USP24: variants seen among roughly 807,000 people sequenced by gnomAD.
USP24 encodes the protein ubiquitin specific peptidase 24, also known as ubiquitin carboxyl-terminal hydrolase 24.
USP24 carries 97 observed loss-of-function variants against 361.6 expected under a neutral mutation model. The ratio of observed to expected loss-of-function variants is 0.27; its 90% CI spans 0.23 to 0.32. The LOEUF is 0.32. Among genes scored for constraint, USP24 ranks in the 10% least tolerant of loss-of-function variants. The pLI, the probability that USP24 is intolerant of heterozygous loss-of-function variation, is 1.00. For missense variants in USP24, 2,353 were observed against 3,165.6 expected, an observed-to-expected ratio of 0.74 and a Z score of 6.16; for synonymous variants, 1,098 against 1,124.6, an observed-to-expected ratio of 0.98 and a Z score of 0.47.
Position 55,134,080 on chromosome 1 carries a change from A to G in USP24, c.3371T>C (p.Leu1124Ser). ...IQEALDQLDS[L>S]GRKKTLLSES... Reference sequence around the variant, plus strand: ...AAAAAATACTCATACCTTTCTTCCTAAAGAATCAAGTTGATCAAGGGCTTC... The same window carrying G: ...AAAAAATACTCATACCTTTCTTCCTGAAGAATCAAGTTGATCAAGGGCTTC... Residue 1124 changes from leucine (L) to serine (S), a missense_variant, in exon 30 of 68, where the codon TTA becomes TCA. Physicochemically the swap from Leu to Ser is moderately radical, Grantham distance 145. Around this residue, in one of 8 missense-constraint regions of USP24, gnomAD observed 949 missense variants for 1,280.5 expected, o/e 0.74. Transcript: ENST00000294383. 6.2e-7 allele frequency: 1 copy of G among 1,613,576 alleles called. No homozygotes were observed. Among genetic ancestry groups the G allele is most frequent in the Non-Finnish European group, 8.5e-7 (1 of 1,179,686 alleles).
chr1:55,147,881 T>C (rs1647074785), intron 17 of USP24, 83 bp from the exon 18 acceptor site: 26 of 1,445,856 alleles, frequency 1.8e-5, no homozygotes, highest in Non-Finnish European at 2.4e-5. Context: ...TATTTAAAGA[T>C]GTAGTCCTAG....
At chr1:55,172,859 C>G (rs1401661268) in intron 3 of USP24, among the ~76,000 whole-genome samples, 1 of 152,140 alleles carries the variant, frequency 6.6e-6, no homozygotes. Context: ...TTACTGTTTT[C>G]TAGCTGTGTG....
intron 28 of USP24, 48 bp from the exon 29 acceptor site, chr1:55,134,461 C>G (rs79034997): frequency 6.7e-7 from 1 of 1,494,880 alleles, no homozygotes; most frequent in Non-Finnish European, 9.2e-7. Flanking sequence ...AAAGAATGTT[C>G]TCCTTTCCTA....
At chr1:55,204,791 C>T (rs534484303) in intron 1 of USP24, among the ~76,000 whole-genome samples, 13 of 152,304 alleles carry the variant, frequency 8.5e-5, no homozygotes, top group African/African-American at 3.1e-4. Flanking sequence ...TAAAAACTTA[C>T]TGAATGGTTA....
intron 67 of USP24, chr1:55,071,143 A>G: frequency 1.0e-6 from 1 of 985,284 alleles, no homozygotes; most frequent in Non-Finnish European, 1.2e-6. Context: ...GACACCTACT[A>G]CATCAGTAAC....
rs745525127 is a variant in USP24, at chr1:55,078,623, C to G, written c.7229G>C (p.Gly2410Ala). Reference protein sequence around the residue: ...EVMFALRELTGSLLALIEMVV... With the variant: ...EVMFALRELTASLLALIEMVV... ...CATCTCAATGAGTGCCAAGAGCGAG[C>G]CTGTCAGCTCCCGCAAAGCAAACAT... The change falls in exon 61 of 68, where the codon GGC becomes GCC. Residue 2410 changes from glycine (G) to alanine (A), a missense_variant. Transcript: ENST00000294383. The G allele has an allele frequency of 1.5e-5, 24 of 1,609,464 alleles. No homozygotes were observed. Among genetic ancestry groups the G allele is most frequent in the Non-Finnish European group, 8.5e-7 (1 of 1,178,846 alleles).
At chr1:55,089,187 C>T (rs891594227) in intron 55 of USP24, among the ~76,000 whole-genome samples, 4 of 152,206 alleles carry the variant, frequency 2.6e-5, no homozygotes, top group East Asian at 1.9e-4. Context: ...ATTACAGGTG[C>T]GAGCCACTGC....
intron 59 of USP24, 138 bp from the exon 60 acceptor site, chr1:55,079,797 T>TACTCTCACAGAGTACTCAGAGC (rs1645109038): frequency 8.7e-7 from 1 of 1,155,260 alleles, no homozygotes; most frequent in African/African-American, 1.6e-5. Context: ...ACACACTGAG[T>TACTCTCACAGAGTACTCAGAGC]ACTCACACAC....
At chr1:55,129,798 T>C (rs1646539633) in intron 31 of USP24, among the ~76,000 whole-genome samples, 2 of 152,204 alleles carry the variant, frequency 1.3e-5, no homozygotes, top group South Asian at 4.1e-4. Flanking sequence ...AGAAAGCTGG[T>C]GTGTTCTTTT....
chr1:55,207,695 C>T (rs1644746471), intron 1 of USP24, among the ~76,000 whole-genome samples: 1 of 152,138 alleles, frequency 6.6e-6, no homozygotes, highest in Admixed American at 6.5e-5. Context: ...GGGACTTGAG[C>T]ATGGTGGGGT....
At chr1:55,071,544 C>A in intron 67 of USP24, 1 of 1,258,228 alleles carries the variant, frequency 7.9e-7, no homozygotes, top group Non-Finnish European at 1.0e-6. Context: ...TGTGCCCTGG[C>A]TTCATCGGGA....
intron 42 of USP24, among the ~76,000 whole-genome samples, chr1:55,103,652 G>GA (rs1427615788): frequency 3.3e-5 from 5 of 152,224 alleles, no homozygotes; most frequent in South Asian, 2.1e-4. Flanking sequence ...CAAGCAACTT[G>GA]AAAATGCCTC....
chr1:55,085,781 GA>G (rs1557538843), intron 56 of USP24, among the ~76,000 whole-genome samples, 160 bp downstream of exon 56: 1 of 152,220 alleles, frequency 6.6e-6, no homozygotes, highest in African/African-American at 2.4e-5. Context: ...GGAAGGGACA[GA>G]ATGCCTTCTC....
rs550778077 is a variant in USP24, at chr1:55,145,089, G to A, written c.2363-886C>T. ...ATTGCTGGTGGGATTACGAAATAGC[G>A]TGGCACTTTGCAAAACAGACAGTTC... On this transcript the variant is annotated intron_variant, in intron 20 of 67. Coordinates refer to ENST00000294383, the MANE Select transcript of USP24 (RefSeq NM_015306.3). 3.9e-5 allele frequency among the ~76,000 whole-genome samples: 6 copies of A among 152,246 alleles called. No individual in the cohort carries two copies. In the South Asian group the frequency reaches 8.3e-4, roughly 21 times the overall value.
rs767499404 is a variant in USP24, at chr1:55,144,137, CCTT to C, written c.2426_2428del (p.Gln809_Gly810delinsArg). The stretch of plus-strand genomic sequence containing the variant: ...GAATAACGTACTTACCAACTGAGCT[CCTT>C]GTCTTTTCAATCGATGATCACAAAG... On this transcript the variant is annotated inframe_deletion, in exon 21 of 68. Transcript: ENST00000294383. 8 of 1,606,752 alleles carry C rather than the reference CCTT, an allele frequency of 5.0e-6. No individual in the cohort carries two copies. The highest frequency in any genetic ancestry group is 6.8e-6 in the Non-Finnish European group (8 of 1,177,058).
At chr1:55,132,774 G>C (rs562216216) in intron 30 of USP24, 74 bp from the exon 31 acceptor site, 2 of 1,403,746 alleles carry the variant, frequency 1.4e-6, no homozygotes, top group Non-Finnish European at 1.9e-6. Context: ...CTTAGTACAC[G>C]TCCTAATATT....
intron 1 of USP24, among the ~76,000 whole-genome samples, chr1:55,205,355 G>A (rs1644679026): frequency 6.6e-6 from 1 of 152,176 alleles, no homozygotes; most frequent in African/African-American, 2.4e-5. Flanking sequence ...AGGGGAGCAT[G>A]CAGAAAAGAA....
intron 37 of USP24, among the ~76,000 whole-genome samples, chr1:55,121,063 C>A (rs75977876): frequency 1.8e-3 from 270 of 152,294 alleles, no homozygotes; most frequent in African/African-American, 6.0e-3. Flanking sequence ...GTAAGAATGT[C>A]AGAACTATAA....
chr1:55,114,100 T>C (rs1368408638), intron 38 of USP24, among the ~76,000 whole-genome samples: 1 of 152,024 alleles, frequency 6.6e-6, no homozygotes, highest in Non-Finnish European at 1.5e-5. Flanking sequence ...AACATTCCTA[T>C]ACACGAATAA....
Sources: allele counts gnomAD v4.1 joint callset (sites outside exome capture counted in the v4.1 genomes callset), GRCh38; gene constraint gnomAD v4.1.1; regional missense constraint gnomAD v4.1.1; transcripts MANE v1.5; gene names NCBI Gene and HGNC (gene_info 2026-07-23, HGNC 2026-07-21).